NUDT4: variants seen among roughly 807,000 people sequenced by gnomAD.
NUDT4 encodes the protein diphosphoinositol polyphosphate phosphohydrolase 2.
Under a neutral mutation model 23.1 loss-of-function variants are expected in NUDT4, and 5 were observed. The ratio of observed to expected loss-of-function variants is 0.22; its 90% CI spans 0.11 to 0.46. The LOEUF (loss-of-function observed/expected upper bound fraction) is 0.46. Ranked by LOEUF, NUDT4 falls within the 20% of genes least tolerant of loss-of-function variation. The pLI is 0.99. For synonymous variants in NUDT4, 50 were observed against 79.0 expected, an observed-to-expected ratio of 0.63 and a Z score of 1.95; for missense variants, 96 against 211.6, an observed-to-expected ratio of 0.45 and a Z score of 3.39.
chr12:93,378,452 C>T (rs1327617419), intron 1 of NUDT4, 31 bp downstream of exon 1: 4 of 1,521,124 alleles, frequency 2.6e-6, no homozygotes, highest in African/African-American at 1.4e-5. Flanking sequence ...CGCTGCCCTC[C>T]GGGGCGCCGG....
intron 1 of NUDT4, among the ~76,000 whole-genome samples, chr12:93,386,589 AAAG>A (rs754422575): frequency 1.3e-5 from 2 of 152,236 alleles, no homozygotes; most frequent in Non-Finnish European, 2.9e-5. Flanking sequence ...CAAAAAAAAA[AAAG>A]AAGCTATTAA....
chr12:93,385,836 G>A (rs189645652), intron 1 of NUDT4, among the ~76,000 whole-genome samples: 500 of 148,892 alleles, frequency 3.4e-3, no homozygotes, highest in African/African-American at 9.6e-3. Flanking sequence ...AGCAAATGGC[G>A]CCCCCAAAAC....
chr12:93,397,842 T>C (rs1205387542), intron 3 of NUDT4, among the ~76,000 whole-genome samples: 1 of 152,090 alleles, frequency 6.6e-6, no homozygotes, highest in Non-Finnish European at 1.5e-5. Context: ...ATTCTTTATG[T>C]GCACCTTGAT....
chr12:93,378,575 C>T (rs1319683889), intron 1 of NUDT4, 154 bp downstream of exon 1: 18 of 1,299,086 alleles, frequency 1.4e-5, no homozygotes, highest in Non-Finnish European at 1.8e-5. Context: ...CCTTTCCTCC[C>T]TCACTTCTTC....
At chr12:93,390,509 T>TAGCTAATTAGAAATTAGCTAA (rs1565779574) in intron 1 of NUDT4, among the ~76,000 whole-genome samples, 1 of 152,232 alleles carries the variant, frequency 6.6e-6, no homozygotes, top group African/African-American at 2.4e-5. Flanking sequence ...AAAGTAGAAT[T>TAGCTAATTAGAAATTAGCTAA]TGAACTTAGA....
Position 93,377,937 on chromosome 12 carries a change from GCTGCTGCTC to G in NUDT4, c.-385_-377del. ...GGGGGCGGCGCGCGGTCGCCGCGGT[GCTGCTGCTC>G]AGTGGGAGCGGGTCTTCGCAACTGT... is the stretch of plus-strand genomic sequence containing the variant. On this transcript the variant is annotated 5_prime_UTR_variant, in exon 1 of 5. Coordinates refer to ENST00000415493, the MANE Select transcript of NUDT4 (RefSeq NM_019094.6). The G allele has an allele frequency of 3.2e-6, 1 of 308,184 alleles. No individual in the cohort carries two copies. Among genetic ancestry groups the G allele is most frequent in the Non-Finnish European group, 6.4e-6 (1 of 155,830 alleles). 19.1% of individuals were successfully genotyped at this position (308,184 alleles called of 1,614,324 possible). A position where few individuals can be genotyped will look rare whatever the true frequency, so the allele number is the denominator to read the frequency against.
At position 93,379,556 on chromosome 12, in the gene NUDT4, G is replaced by A. The variant is rs145500282; in HGVS notation, c.99+1135G>A. ...TGTTAACGAAAAGTTCTCGAAATTT[G>A]CCCTTCAAACCCTTGTTTTGCCTTT... On this transcript the variant is annotated intron_variant, in intron 1 of 4. Coordinates refer to ENST00000415493, the MANE Select transcript of NUDT4 (RefSeq NM_019094.6). Among the ~76,000 whole-genome samples the A allele has an allele frequency of 9.2e-5, 14 of 152,112 alleles. No homozygotes were observed. In the East Asian group the frequency reaches 2.7e-3, roughly 30 times the overall value.
Position 93,404,335 on chromosome 12 carries a change from T to C in NUDT4, c.*4956T>C, listed in dbSNP as rs1224852962. 1 of 152,210 alleles carries C rather than the reference T, an allele frequency of 6.6e-6. No individual in the cohort carries two copies. The highest frequency in any genetic ancestry group is 2.4e-5 in the African/African-American group (1 of 41,458). The allele number at this position is 152,210 out of a possible 1,614,324, so 9.4% of individuals were successfully genotyped here. A position where few individuals can be genotyped will look rare whatever the true frequency, so the allele number is the denominator to read the frequency against. On this transcript the variant is annotated 3_prime_UTR_variant, in exon 5 of 5. Transcript: ENST00000415493. The stretch of plus-strand genomic sequence containing the variant: ...ATGGTTAACTTGCAATATATCCATA[T>C]GGTGTAATATTACAGTCATTAGAAA...
At chr12:93,396,650 A>T (rs1437035703) in intron 3 of NUDT4, among the ~76,000 whole-genome samples, 1 of 152,248 alleles carries the variant, frequency 6.6e-6, no homozygotes, top group African/African-American at 2.4e-5. Context: ...GTGGTGGCTC[A>T]TGCCTGTAAT....
chr12:93,397,945 C>T (rs1206897604), intron 3 of NUDT4, among the ~76,000 whole-genome samples: 2 of 152,086 alleles, frequency 1.3e-5, no homozygotes, highest in African/African-American at 4.8e-5. Flanking sequence ...GAAAGGTTGT[C>T]AGGATTAGCC....
At chr12:93,384,041 C>T (rs745513225) in intron 1 of NUDT4, among the ~76,000 whole-genome samples, 6 of 152,084 alleles carry the variant, frequency 3.9e-5, no homozygotes, top group African/African-American at 9.7e-5. Flanking sequence ...AATGGGAATT[C>T]GAGGCCCAAG....
intron 1 of NUDT4, among the ~76,000 whole-genome samples, chr12:93,382,137 G>T (rs1875703706): frequency 6.6e-6 from 1 of 152,010 alleles, no homozygotes. Context: ...GGTGGCATGT[G>T]CCTGTAATCC....
chr12:93,380,975 G>T (rs1284000309), intron 1 of NUDT4: 1 of 152,156 alleles, frequency 6.6e-6, no homozygotes, highest in African/African-American at 2.4e-5. Flanking sequence ...ATTGCAATTT[G>T]ACCCCAAAAA....
chr12:93,399,039 G>A, intron 4 of NUDT4, 138 bp from the exon 5 acceptor site: 1 of 719,806 alleles, frequency 1.4e-6, no homozygotes, highest in Non-Finnish European at 2.3e-6. Context: ...TAATTCAAAT[G>A]TAGAGATGCA....
Position 93,406,499 on chromosome 12 carries a change from T to C in NUDT4, c.*7120T>C, listed in dbSNP as rs1158277996. ...TTAATCTTATTTTTAAGTGCTTCTT[T>C]GAAATTGTTTTACAAGTACATTCTT... On this transcript the variant is annotated 3_prime_UTR_variant, in exon 5 of 5. Transcript: ENST00000415493. 1 of 152,182 alleles carries C rather than the reference T, an allele frequency of 6.6e-6. No homozygotes were observed. Among genetic ancestry groups the C allele is most frequent in the Non-Finnish European group, 1.5e-5 (1 of 68,048 alleles). The allele number at this position is 152,182 out of a possible 1,614,324, so 9.4% of individuals were successfully genotyped here.
Position 93,385,970 on chromosome 12 carries a change from T to TATATATATATATATATATAC in NUDT4, c.99+7550_99+7551insTATATATATATATATATACA, listed in dbSNP as rs1243696865. On this transcript the variant is annotated intron_variant, in intron 1 of 4. Coordinates refer to ENST00000415493, the MANE Select transcript of NUDT4 (RefSeq NM_019094.6). ...ATATATATATATATATATATATATA[T>TATATATATATATATATATAC]ACATAATTTTTTTTTTCTTTTTGAG... Among the ~76,000 whole-genome samples, 170 of 118,514 alleles carry TATATATATATATATATATAC rather than the reference T, an allele frequency of 1.4e-3. 3 individuals are homozygous for TATATATATATATATATATAC. The highest frequency in any genetic ancestry group is 2.7e-3 in the East Asian group (10 of 3,650). 77.7% of individuals were successfully genotyped at this position (118,514 alleles called of 152,430 possible). A position where few individuals can be genotyped will look rare whatever the true frequency, so the allele number is the denominator to read the frequency against.
intron 1 of NUDT4, among the ~76,000 whole-genome samples, chr12:93,394,340 TGA>T (rs1244499403): frequency 9.2e-5 from 14 of 152,226 alleles, no homozygotes; most frequent in Non-Finnish European, 1.3e-4. Context: ...TCCAATAATT[TGA>T]GAGTTTTACC....
rs1050057333 is a variant in NUDT4, at chr12:93,404,264, A to G, written c.*4885A>G. 1 of 152,254 alleles carries G rather than the reference A, an allele frequency of 6.6e-6. No homozygotes were observed. Among genetic ancestry groups the G allele is most frequent in the Non-Finnish European group, 1.5e-5 (1 of 68,038 alleles). 9.4% of individuals were successfully genotyped at this position (152,254 alleles called of 1,614,324 possible). A position where few individuals can be genotyped will look rare whatever the true frequency, so the allele number is the denominator to read the frequency against. On this transcript the variant is annotated 3_prime_UTR_variant, in exon 5 of 5. Coordinates refer to ENST00000415493, the MANE Select transcript of NUDT4 (RefSeq NM_019094.6). ...GACATATACCAAGACAAGGCACTAG[A>G]GTGAAAAGCCATTAAAATAAAATGC...
intron 1 of NUDT4, among the ~76,000 whole-genome samples, chr12:93,385,351 A>T (rs1424553349): frequency 6.6e-6 from 1 of 152,224 alleles, no homozygotes; most frequent in East Asian, 1.9e-4. Flanking sequence ...TGGCTCTGCA[A>T]CCTGGTAGAA....
Sources: allele counts gnomAD v4.1 joint callset (sites outside exome capture counted in the v4.1 genomes callset), GRCh38; gene constraint gnomAD v4.1.1; transcripts MANE v1.5; gene names NCBI Gene and HGNC (gene_info 2026-07-23, HGNC 2026-07-21).